CNPY1: variants seen among roughly 807,000 people sequenced by gnomAD.
CNPY1 encodes the protein protein canopy homolog 1.
CNPY1 carries 14 observed loss-of-function variants against 14.4 expected under a neutral mutation model. The ratio of observed to expected loss-of-function variants is 0.97; its 90% CI spans 0.64 to 1.52. CNPY1 has a LOEUF of 1.52. Among genes scored for constraint, CNPY1 ranks in the 40% most tolerant of loss-of-function variants. The probability of loss-of-function intolerance (pLI) is 0.00; values close to 1 mark genes in which losing one functional copy is unlikely to be tolerated. For missense variants in CNPY1, 129 were observed against 131.5 expected (o/e 0.98, Z 0.09); for synonymous variants, 43 against 46.5 (o/e 0.92, Z 0.31).
At chr7:155,543,098 C>T (rs1217289302) in intron 2 of CNPY1, among the ~76,000 whole-genome samples, 2 of 152,188 alleles carry the variant, frequency 1.3e-5, no homozygotes, top group Non-Finnish European at 2.9e-5. Flanking sequence ...GGCATCAGCA[C>T]CCTCAGCTCT....
intron 2 of CNPY1, among the ~76,000 whole-genome samples, chr7:155,534,398 C>T (rs1484917070): frequency 2.0e-5 from 3 of 152,138 alleles, no homozygotes; most frequent in Non-Finnish European, 2.9e-5. Context: ...CACACATGCA[C>T]GTGTACACAC....
At chr7:155,543,437 C>T (rs1360149841) in intron 2 of CNPY1, among the ~76,000 whole-genome samples, 1 of 152,234 alleles carries the variant, frequency 6.6e-6, no homozygotes, top group Non-Finnish European at 1.5e-5. Context: ...ACTGCCAGAT[C>T]CCCTACTTCC....
chr7:155,530,572 C>T (rs1796920670), intron 2 of CNPY1, among the ~76,000 whole-genome samples: 1 of 152,186 alleles, frequency 6.6e-6, no homozygotes, highest in Admixed American at 6.5e-5. Flanking sequence ...TCAGGCGATC[C>T]TTCTACCTTA....
At position 155,536,942 on chromosome 7, in the gene CNPY1, A is replaced by G. The variant is rs924656212; in HGVS notation, c.99+8889T>C. On this transcript the variant is annotated intron_variant, in intron 2 of 4. Coordinates refer to ENST00000636446, the MANE Select transcript of CNPY1 (RefSeq NM_001393663.1). The surrounding 1 kb of genome is among the most constrained non-coding windows in gnomAD (Gnocchi z 4.1). ...AAATAAGATAAAAGAGAAATAAAAT[A>G]GAAGATGGTACACAATAAAAGCCAC... Among the ~76,000 whole-genome samples the G allele has an allele frequency of 6.6e-6, 1 of 152,280 alleles. No individual in the cohort carries two copies. Among genetic ancestry groups the G allele is most frequent in the Admixed American group, 6.5e-5 (1 of 15,288 alleles).
chr7:155,537,392 A>C (rs927156866), intron 2 of CNPY1, among the ~76,000 whole-genome samples: 6 of 151,526 alleles, frequency 4.0e-5, no homozygotes, highest in Non-Finnish European at 4.4e-5. Flanking sequence ...GAAGGGCCAC[A>C]TCACAGCTTT....
intron 2 of CNPY1, among the ~76,000 whole-genome samples, chr7:155,516,192 A>G (rs796456711): frequency 4.6e-4 from 70 of 152,252 alleles, no homozygotes; most frequent in African/African-American, 1.7e-3. Context: ...ATCCACCCCC[A>G]TGGGAGACAA....
intron 2 of CNPY1, among the ~76,000 whole-genome samples, chr7:155,528,856 C>G (rs377350199): frequency 4.2e-4 from 64 of 152,202 alleles, no homozygotes; most frequent in South Asian, 2.3e-3. Flanking sequence ...GTCAGGAGAT[C>G]AAGACCATCC....
intron 4 of CNPY1, 105 bp downstream of exon 4, chr7:155,506,915 G>T: frequency 1.4e-6 from 1 of 732,838 alleles, no homozygotes. Flanking sequence ...CAGAGCCGTG[G>T]ATCGCAGAGG....
rs574604484 is a variant in CNPY1, at chr7:155,504,407, A to G, written c.401-1302T>C. ...GAATGTTAGAACTTCAATATTTTGA[A>G]GAGTCTGTGAATGTGCCCTACTTGC... is the stretch of plus-strand genomic sequence containing the variant. On this transcript the variant is annotated intron_variant, in intron 4 of 4. Coordinates refer to ENST00000636446, the MANE Select transcript of CNPY1 (RefSeq NM_001393663.1). Among the ~76,000 whole-genome samples the G allele has an allele frequency of 4.6e-5, 7 of 152,150 alleles. No homozygotes were observed. The South Asian group carries it at 8.3e-4, about 18-fold the overall frequency.
chr7:155,534,158 C>T lies in CNPY1; in HGVS notation c.99+11673G>A, dbSNP rs145719035. ...AGCAGGAAAAGCCGCCTTTCCTTTC[C>T]CCTGACCCAGGCACAGTCTCCTGAT... On this transcript the variant is annotated intron_variant, in intron 2 of 4. Transcript: ENST00000636446. Among the ~76,000 whole-genome samples the T allele has an allele frequency of 2.7e-4, 41 of 152,318 alleles. No homozygotes were observed. The East Asian group carries it at 7.9e-3, about 29-fold the overall frequency.
intron 2 of CNPY1, among the ~76,000 whole-genome samples, chr7:155,516,916 A>G (rs1796632943): frequency 6.6e-6 from 1 of 152,176 alleles, no homozygotes; most frequent in South Asian, 2.1e-4. Context: ...CTGTTGGCCT[A>G]GCAGATGGGC....
chr7:155,527,054 C>CTTTTTTCTTTCTTTCTT, intron 2 of CNPY1, among the ~76,000 whole-genome samples: 1 of 90,358 alleles, frequency 1.1e-5, no homozygotes, highest in East Asian at 3.6e-4. Flanking sequence ...TTCTTTCTTT[C>CTTTTTTCTTTCTTTCTT]TTTTTTTTTT....
chr7:155,506,947 CAA>C, intron 4 of CNPY1, 71 bp downstream of exon 4: 1 of 1,004,048 alleles, frequency 1.0e-6, no homozygotes, highest in East Asian at 2.5e-5. Context: ...GGTCTGCAAA[CAA>C]GACGCTGCAA....
intron 2 of CNPY1, among the ~76,000 whole-genome samples, chr7:155,531,642 T>C (rs947679804): frequency 2.6e-5 from 4 of 152,120 alleles, no homozygotes; most frequent in African/African-American, 9.7e-5. Context: ...GAGGGGATAA[T>C]TCCTTATTTG....
At chr7:155,534,705 C>T (rs1797002670) in intron 2 of CNPY1, among the ~76,000 whole-genome samples, 1 of 152,206 alleles carries the variant, frequency 6.6e-6, no homozygotes, top group Admixed American at 6.5e-5. Flanking sequence ...CCCACAGCAG[C>T]AAGGGGCTGG....
At chr7:155,517,932 A>C (rs1404098841) in intron 2 of CNPY1, among the ~76,000 whole-genome samples, 1 of 152,184 alleles carries the variant, frequency 6.6e-6, no homozygotes, top group African/African-American at 2.4e-5. Flanking sequence ...TAGATCTTAA[A>C]CACCTTTAAA....
intron 2 of CNPY1, among the ~76,000 whole-genome samples, chr7:155,528,621 C>T (rs1400897835): frequency 6.6e-6 from 1 of 152,234 alleles, no homozygotes. Flanking sequence ...CTGTGGCTCT[C>T]CAGGGCCAGC....
intron 2 of CNPY1, among the ~76,000 whole-genome samples, 192 bp downstream of exon 2, chr7:155,545,639 G>A (rs186327645): frequency 6.6e-6 from 1 of 152,284 alleles, no homozygotes; most frequent in African/African-American, 2.4e-5. Context: ...ACAAAATTTA[G>A]GTGCTGAGAG....
intron 2 of CNPY1, among the ~76,000 whole-genome samples, chr7:155,527,696 C>A (rs948054790): frequency 6.6e-6 from 1 of 151,886 alleles, no homozygotes; most frequent in Non-Finnish European, 1.5e-5. Flanking sequence ...AAGCTATCCT[C>A]CCGCCTTGGC....
Sources: gnomAD v4.1 joint callset for allele counts (sites outside exome capture counted in the v4.1 genomes callset) on GRCh38, gnomAD v4.1.1 for gene constraint, Gnocchi (gnomAD v3.1) non-coding constraint, MANE v1.5 for transcripts, NCBI Gene and HGNC (gene_info 2026-07-23, HGNC 2026-07-21) for gene names.